Variants in RNF17 observed in about 807,000 individuals in gnomAD.
RNF17 encodes the protein spermatogenesis associated 23.
In RNF17, 31 loss-of-function variants were observed where a neutral mutation model predicts 200.5. The ratio of observed to expected loss-of-function variants is 0.15; its 90% confidence interval spans 0.12 to 0.21. The LOEUF (loss-of-function observed/expected upper bound fraction) is 0.21, where lower values mean the gene tolerates loss of function less well. RNF17 is among the 10% of genes least tolerant of loss of function. RNF17 has a pLI of 1.00. For missense variants in RNF17, 1,628 were observed against 1,905.1 expected (o/e 0.85, Z 2.71); for synonymous variants, 606 against 637.8 (o/e 0.95, Z 0.75).
chr13:24,823,188 C>G (rs934500083), intron 15 of RNF17, among the ~76,000 whole-genome samples: 1 of 152,166 alleles, frequency 6.6e-6, no homozygotes, highest in Non-Finnish European at 1.5e-5. Flanking sequence ...ATTCTCCTGC[C>G]TCAGCCTCCT....
intron 15 of RNF17, among the ~76,000 whole-genome samples, chr13:24,811,213 C>G (rs1854556987): frequency 1.3e-5 from 2 of 151,140 alleles, no homozygotes; most frequent in Admixed American, 6.6e-5. Flanking sequence ...GGGAAGTTCT[C>G]CTGGATAATA....
At chr13:24,853,774 C>G (rs1380072096) in intron 24 of RNF17, 81 bp from the exon 25 acceptor site, 14 of 1,049,224 alleles carry the variant, frequency 1.3e-5, no homozygotes, top group Non-Finnish European at 1.5e-5. Flanking sequence ...TCATGTATAT[C>G]TGAATGATTC....
At position 24,843,733 on chromosome 13, in the gene RNF17, T is replaced by C. The variant is rs1890942020; in HGVS notation, c.2604-11T>C. On this transcript the variant is annotated splice_polypyrimidine_tract_variant and intron_variant, in intron 19 of 35. Transcript: ENST00000255324. ...ATACAGTTCTTTTCATTAACTTTTG[T>C]TGTTTTTCAGATACATCCTCAAAGA... is the stretch of plus-strand genomic sequence containing the variant. 6.6e-7 allele frequency: 1 copy of C among 1,507,350 alleles called. No individual in the cohort carries two copies. The highest frequency in any genetic ancestry group is 1.4e-5 in the African/African-American group (1 of 72,634). 93.4% of individuals were successfully genotyped at this position (1,507,350 alleles called of 1,614,324 possible).
chr13:24,842,361 C>G (rs567060190), intron 19 of RNF17, among the ~76,000 whole-genome samples, 200 bp downstream of exon 19: 10 of 152,254 alleles, frequency 6.6e-5, no homozygotes, highest in Admixed American at 6.5e-4. Context: ...CCCTCCATTA[C>G]TAAGGAACCC....
chr13:24,801,090 A>G (rs1885195985), intron 13 of RNF17, among the ~76,000 whole-genome samples: 2 of 152,330 alleles, frequency 1.3e-5, no homozygotes, highest in South Asian at 2.1e-4. Context: ...CATTCAACAC[A>G]TACTTGAAAT....
chr13:24,888,001 C>T, the RNF17 span, among the ~76,000 whole-genome samples: 1 of 152,212 alleles, frequency 6.6e-6, no homozygotes, highest in Non-Finnish European at 1.5e-5. Context: ...CGGGCTGCCA[C>T]TCATCTATGT....
intron 18 of RNF17, among the ~76,000 whole-genome samples, chr13:24,836,818 C>A (rs112275730): frequency 6.6e-6 from 1 of 151,998 alleles, no homozygotes. Flanking sequence ...AAAGCAAAAA[C>A]AAAACCAAAG....
At position 24,876,522 on chromosome 13, in the gene RNF17, G is replaced by A. The variant is rs552956544; in HGVS notation, c.4584-475G>A. On this transcript the variant is annotated intron_variant, in intron 33 of 35. Transcript: ENST00000255324. ...CCATGCTGTTTCCCATAGTGGCTGC[G>A]CCATTTTACATTCTCACTAAGAGTG... Among the ~76,000 whole-genome samples the A allele has an allele frequency of 3.3e-5, 5 of 152,298 alleles. 1 individual carries two copies. Among genetic ancestry groups the A allele is most frequent in the Admixed American group, 1.3e-4 (2 of 15,296 alleles).
At chr13:24,842,265 G>C in intron 19 of RNF17, 104 bp downstream of exon 19, 3 of 1,012,460 alleles carry the variant, frequency 3.0e-6, no homozygotes, top group Non-Finnish European at 4.2e-6. Flanking sequence ...GATGAGCTTA[G>C]ACTGTAGACC....
chr13:24,826,521 C>G (rs896168482), intron 16 of RNF17, among the ~76,000 whole-genome samples: 4 of 152,148 alleles, frequency 2.6e-5, no homozygotes, highest in African/African-American at 9.7e-5. Flanking sequence ...GCCTGTAAAT[C>G]CCAGTACTTT....
intron 6 of RNF17, among the ~76,000 whole-genome samples, chr13:24,785,647 A>G (rs1883010347): frequency 6.6e-6 from 1 of 152,064 alleles, no homozygotes; most frequent in Non-Finnish European, 1.5e-5. Flanking sequence ...TTATTGCTTT[A>G]TTGATTCTAC....
chr13:24,877,235 A>G (rs974694021), intron 34 of RNF17, 49 bp downstream of exon 34: 10 of 1,496,874 alleles, frequency 6.7e-6, no homozygotes, highest in Admixed American at 1.8e-5. Flanking sequence ...TTCTGTGTCG[A>G]TACTTTGTAA....
chr13:24,778,461 C>G (rs1257976684), intron 4 of RNF17, 55 bp downstream of exon 4: 3 of 1,115,278 alleles, frequency 2.7e-6, no homozygotes, highest in Non-Finnish European at 4.1e-6. Flanking sequence ...GACTTTGTCT[C>G]TAGTAGCTCA....
chr13:24,868,624 ACTC>A lies in RNF17; in HGVS notation c.4190_4192del (p.Pro1397del). 1 of 1,606,532 alleles carries A rather than the reference ACTC, an allele frequency of 6.2e-7. No individual in the cohort carries two copies. The highest frequency in any genetic ancestry group is 8.5e-7 in the Non-Finnish European group (1 of 1,173,368). ...GGAATTGCTTTCGGCTGAAACAGAC[ACTC>A]CTCTTTTACCACCATATTTGTCTTC... On this transcript the variant is annotated inframe_deletion, in exon 31 of 36. Coordinates refer to ENST00000255324, the MANE Select transcript of RNF17 (RefSeq NM_031277.3).
At chr13:24,788,711 A>T (rs2137618000) in intron 7 of RNF17, among the ~76,000 whole-genome samples, 1 of 152,250 alleles carries the variant, frequency 6.6e-6, no homozygotes, top group Middle Eastern at 3.4e-3. Flanking sequence ...GCAAAAAAAC[A>T]AAAGTTTCTT....
chr13:24,874,379 TC>T (rs1894630703), intron 33 of RNF17, 130 bp downstream of exon 33: 1 of 757,404 alleles, frequency 1.3e-6, no homozygotes, highest in Admixed American at 3.9e-5. Context: ...GGAATTTTTT[TC>T]GTGTTAAAGT....
rs541468265 is a variant in RNF17 at position 24,789,316 on chromosome 13, C to G, written c.784-32C>G. The G allele has an allele frequency of 5.8e-6, 8 of 1,377,582 alleles. No homozygotes were observed. The South Asian group carries it at 9.7e-5, about 17-fold the overall frequency. 85.3% of individuals were successfully genotyped at this position (1,377,582 alleles called of 1,614,324 possible). On this transcript the variant is annotated intron_variant, in intron 7 of 35. Transcript: ENST00000255324. Reference sequence around the variant, plus strand: ...GTTCAGCAATATTTGTGACAAGATTCACACATGAATGATTTTTTTTTTAAA... The same window carrying G: ...GTTCAGCAATATTTGTGACAAGATTGACACATGAATGATTTTTTTTTTAAA...
chr13:24,796,177 T>A lies in RNF17; in HGVS notation c.1281T>A (p.Pro427=). The change falls in exon 11 of 36, where the codon CCT becomes CCA. Residue 427 remains proline (P), a synonymous_variant. Coordinates refer to ENST00000255324, the MANE Select transcript of RNF17 (RefSeq NM_031277.3). ...TTTTTGTAAGCCATGTAATAGATCC[T>A]TGCCATTTCTACATTCGGAAGTATT... ...ELVFVSHVID[P]CHFYIRKYSQ... is the part of the protein sequence containing the mutation. 1.9e-6 allele frequency: 3 copies of A among 1,612,726 alleles called. No individual in the cohort carries two copies. The highest frequency in any genetic ancestry group is 2.5e-6 in the Non-Finnish European group (3 of 1,179,142).
the RNF17 span, chr13:24,886,502 C>T: frequency 3.9e-6 from 2 of 509,578 alleles, no homozygotes; most frequent in Non-Finnish European, 7.2e-6. Context: ...CAGAAAATAA[C>T]ATCAGAGGGA....
Sources: allele counts gnomAD v4.1 joint callset (sites outside exome capture counted in the v4.1 genomes callset), GRCh38; gene constraint gnomAD v4.1.1; transcripts MANE v1.5; gene names NCBI Gene and HGNC (gene_info 2026-07-23, HGNC 2026-07-21).